The following MAPRE2 variants were observed in gnomAD, a reference collection of about 807,000 sequenced individuals.
The protein encoded by MAPRE2 is microtubule-associated protein RP/EB family member 2.
In MAPRE2, 13 loss-of-function variants were observed where a neutral mutation model predicts 43.2. The ratio of observed to expected loss-of-function variants is 0.30; its 90% CI spans 0.20 to 0.48. The LOEUF is 0.48. Ranked by LOEUF, MAPRE2 falls within the 20% of genes least tolerant of loss-of-function variation. The pLI, the probability that MAPRE2 is intolerant of heterozygous loss-of-function variation, is 0.99. For synonymous variants in MAPRE2, 135 were observed against 148.8 expected (o/e 0.91, Z 0.68); for missense variants, 161 against 400.2 (o/e 0.40, Z 5.10).
chr18:35,065,614 C>T (rs1358139970), intron 1 of MAPRE2, among the ~76,000 whole-genome samples: 1 of 151,772 alleles, frequency 6.6e-6, no homozygotes, highest in Non-Finnish European at 1.5e-5. Context: ...AGTGCAGTGG[C>T]CCAATCTCAA....
chr18:35,032,575 A>C (rs1391968386), intron 2 of MAPRE2, among the ~76,000 whole-genome samples: 1 of 152,202 alleles, frequency 6.6e-6, no homozygotes, highest in Non-Finnish European at 1.5e-5. Context: ...TAAGAGAAAC[A>C]TGATTGTGCT....
intron 1 of MAPRE2, among the ~76,000 whole-genome samples, chr18:34,987,579 T>C (rs1201558778): frequency 6.6e-6 from 1 of 152,230 alleles, no homozygotes; most frequent in Admixed American, 6.5e-5. Flanking sequence ...TATGAAATCA[T>C]TGTATTTCCA....
intron 1 of MAPRE2, among the ~76,000 whole-genome samples, chr18:34,985,407 TTATAAATATAATA>T: frequency 2.1e-5 from 1 of 48,398 alleles, no homozygotes; most frequent in African/African-American, 8.1e-5. Context: ...ATATAATATA[TTATAAATATAATA>T]TGTAAACTAT....
At chr18:34,984,827 T>A (rs1477156650) in intron 1 of MAPRE2, among the ~76,000 whole-genome samples, 1 of 127,412 alleles carries the variant, frequency 7.8e-6, no homozygotes, top group African/African-American at 3.0e-5. Flanking sequence ...AAAATATAAA[T>A]ATATAATATT....
intron 4 of MAPRE2, among the ~76,000 whole-genome samples, chr18:35,112,777 T>G (rs1909237846): frequency 1.3e-5 from 2 of 152,212 alleles, no homozygotes; most frequent in South Asian, 4.1e-4. Flanking sequence ...AAACTGCATT[T>G]CCCTACATTT....
chr18:35,110,604 T>C (rs1174348014), intron 4 of MAPRE2, among the ~76,000 whole-genome samples: 5 of 152,174 alleles, frequency 3.3e-5, no homozygotes, highest in Non-Finnish European at 7.4e-5. Flanking sequence ...GAAGGACTTT[T>C]GTTAGGATTT....
chr18:35,035,518 T>TA (rs1375056797), intron 2 of MAPRE2, among the ~76,000 whole-genome samples: 4 of 151,016 alleles, frequency 2.6e-5, no homozygotes, highest in East Asian at 1.9e-4. Flanking sequence ...ATAATAAAAA[T>TA]AAAAAAAAAT....
intron 2 of MAPRE2, among the ~76,000 whole-genome samples, chr18:35,006,856 G>T (rs145831447): frequency 0.014 from 2,084 of 152,264 alleles, 46 homozygotes; most frequent in African/African-American, 0.047. Flanking sequence ...CCAGCTACTC[G>T]GGTGGCTGAG....
At chr18:35,048,570 A>C (rs1905760470) in intron 1 of MAPRE2, among the ~76,000 whole-genome samples, 1 of 149,786 alleles carries the variant, frequency 6.7e-6, no homozygotes, top group African/African-American at 2.4e-5. Flanking sequence ...TAGTAGTAAC[A>C]TATATGTATT....
chr18:35,017,244 GTTTTTT>G (rs140257488), intron 2 of MAPRE2, among the ~76,000 whole-genome samples: 258 of 126,250 alleles, frequency 2.0e-3, no homozygotes, highest in Non-Finnish European at 3.0e-3. Flanking sequence ...CGGTTTTGTT[GTTTTTT>G]TTTTTTTTTT....
intron 2 of MAPRE2, among the ~76,000 whole-genome samples, chr18:35,015,632 C>CAG (rs1437371162): frequency 2.6e-5 from 2 of 78,072 alleles, no homozygotes; most frequent in African/African-American, 6.6e-5. Flanking sequence ...ATAGGGATGG[C>CAG]AGTGTGTGTG....
chr18:35,080,919 TAC>T (rs1907599410), intron 2 of MAPRE2, among the ~76,000 whole-genome samples: 1 of 152,208 alleles, frequency 6.6e-6, no homozygotes, highest in South Asian at 2.1e-4. Flanking sequence ...CAAATATTAA[TAC>T]TCATAAGCTT....
chr18:34,985,566 TATA>T (rs561684562), intron 1 of MAPRE2, among the ~76,000 whole-genome samples: 4,274 of 79,926 alleles, frequency 0.053, 248 homozygotes, highest in South Asian at 0.12. Flanking sequence ...ATATTATAAA[TATA>T]ATATATAAAC....
intron 1 of MAPRE2, among the ~76,000 whole-genome samples, chr18:35,060,942 G>A (rs1179958562): frequency 2.0e-5 from 3 of 152,170 alleles, no homozygotes; most frequent in Admixed American, 2.0e-4. Context: ...TAAAACATAT[G>A]TAGAATACTT....
At chr18:35,064,282 G>A (rs936547755) in intron 1 of MAPRE2, among the ~76,000 whole-genome samples, 3 of 151,692 alleles carry the variant, frequency 2.0e-5, no homozygotes, top group South Asian at 2.1e-4. Flanking sequence ...GCCAGATCCC[G>A]GGACAACAAC....
intron 4 of MAPRE2, among the ~76,000 whole-genome samples, chr18:35,110,288 T>TAGTA (rs1415522890): frequency 6.6e-6 from 1 of 152,204 alleles, no homozygotes; most frequent in East Asian, 1.9e-4. Flanking sequence ...TTAGAAAACT[T>TAGTA]AGTATGAGAA....
chr18:35,045,791 G>A (rs1456120378), intron 1 of MAPRE2, among the ~76,000 whole-genome samples: 1 of 152,114 alleles, frequency 6.6e-6, no homozygotes, highest in Non-Finnish European at 1.5e-5. Context: ...GTATCATCTA[G>A]GTTTAATACT....
chr18:35,073,047 G>A (rs1264061881), intron 2 of MAPRE2, among the ~76,000 whole-genome samples: 7 of 152,050 alleles, frequency 4.6e-5, no homozygotes, highest in Non-Finnish European at 1.0e-4. Context: ...AATTTCCTGG[G>A]GAGCTGCTGA....
intron 3 of MAPRE2, among the ~76,000 whole-genome samples, chr18:35,100,777 A>C (rs780571590): frequency 1.2e-4 from 19 of 152,198 alleles, no homozygotes; most frequent in Non-Finnish European, 2.4e-4. Flanking sequence ...ACAGTGGCTC[A>C]CACCTGTAAT....
Sources: allele counts gnomAD v4.1 joint callset (sites outside exome capture counted in the v4.1 genomes callset), GRCh38; gene constraint gnomAD v4.1.1; transcripts MANE v1.5; gene names NCBI Gene and HGNC (gene_info 2026-07-23, HGNC 2026-07-21).